The following TAFA1 variants were observed in gnomAD, a reference collection of about 807,000 sequenced individuals.
TAFA1 encodes the protein chemokine-like protein TAFA-1.
TAFA1 carries 4 observed loss-of-function variants against 18.5 expected under a neutral mutation model. The observed-to-expected ratio is 0.22, with a 90% CI of 0.11 to 0.49. The LOEUF (loss-of-function observed/expected upper bound fraction) is 0.49. TAFA1 is among the 20% of genes least tolerant of loss of function. The pLI, the probability that TAFA1 is intolerant of heterozygous loss-of-function variation, is 0.98. For missense variants in TAFA1, 147 were observed against 169.0 expected, an observed-to-expected ratio of 0.87 and a Z score of 0.72; for synonymous variants, 56 against 55.2, an observed-to-expected ratio of 1.01 and a Z score of -0.06.
At chr3:68,461,566 C>T (rs902725685) in intron 3 of TAFA1, among the ~76,000 whole-genome samples, 6 of 151,288 alleles carry the variant, frequency 4.0e-5, no homozygotes, top group Non-Finnish European at 8.8e-5. Flanking sequence ...ACCACCCTTG[C>T]CATATTTCTA....
At chr3:68,337,510 C>A (rs2068994138) in intron 2 of TAFA1, among the ~76,000 whole-genome samples, 1 of 152,106 alleles carries the variant, frequency 6.6e-6, no homozygotes, top group Admixed American at 6.6e-5. Context: ...AAAAAAGTTG[C>A]TTTGGTATAC....
chr3:68,300,684 C>T (rs2068288258), intron 2 of TAFA1, among the ~76,000 whole-genome samples: 1 of 152,040 alleles, frequency 6.6e-6, no homozygotes, highest in Non-Finnish European at 1.5e-5. Context: ...AATTGTAATC[C>T]CCATAATCAT....
At chr3:68,309,995 G>A (rs1395847981) in intron 2 of TAFA1, among the ~76,000 whole-genome samples, 9 of 152,228 alleles carry the variant, frequency 5.9e-5, no homozygotes, top group South Asian at 2.1e-4. Context: ...ACCCTTTCTC[G>A]AGGAAATTTC....
At chr3:68,031,964 C>G (rs886694319) in intron 2 of TAFA1, among the ~76,000 whole-genome samples, 48 of 152,030 alleles carry the variant, frequency 3.2e-4, no homozygotes, top group Admixed American at 1.2e-3. Flanking sequence ...ATAGTTTTTC[C>G]TTCTCTAAGC....
chr3:68,343,440 T>A (rs1286176572), intron 2 of TAFA1, among the ~76,000 whole-genome samples: 1 of 152,180 alleles, frequency 6.6e-6, no homozygotes, highest in East Asian at 1.9e-4. Flanking sequence ...ACTATTTAAT[T>A]TTATTCTTAC....
At chr3:68,430,758 A>G (rs548359887) in intron 3 of TAFA1, among the ~76,000 whole-genome samples, 1 of 152,064 alleles carries the variant, frequency 6.6e-6, no homozygotes, top group South Asian at 2.1e-4. Flanking sequence ...TGAATGTCTC[A>G]TTCACTCTCT....
intron 2 of TAFA1, among the ~76,000 whole-genome samples, chr3:68,166,001 A>G (rs1325603985): frequency 6.6e-6 from 1 of 152,248 alleles, no homozygotes; most frequent in Non-Finnish European, 1.5e-5. Flanking sequence ...ACTCCAGCCC[A>G]ACCTTGAACG....
intron 2 of TAFA1, among the ~76,000 whole-genome samples, chr3:68,414,321 A>C (rs1559659300): frequency 1.3e-5 from 2 of 152,128 alleles, no homozygotes; most frequent in Non-Finnish European, 2.9e-5. Context: ...ACAAACAAAC[A>C]AACAAAACAA....
At chr3:68,211,227 C>T (rs2066592832) in intron 2 of TAFA1, among the ~76,000 whole-genome samples, 2 of 151,986 alleles carry the variant, frequency 1.3e-5, no homozygotes, top group South Asian at 2.1e-4. Context: ...TGCACAAGGG[C>T]ATGAATACCA....
At chr3:68,434,088 A>G (rs2071228912) in intron 3 of TAFA1, among the ~76,000 whole-genome samples, 2 of 152,176 alleles carry the variant, frequency 1.3e-5, no homozygotes, top group South Asian at 4.1e-4. Flanking sequence ...CAAAAACCTG[A>G]TGTTTTTAAT....
At chr3:68,271,354 C>G (rs1167939473) in intron 2 of TAFA1, among the ~76,000 whole-genome samples, 1 of 152,074 alleles carries the variant, frequency 6.6e-6, no homozygotes, top group East Asian at 1.9e-4. Flanking sequence ...TACTCACACT[C>G]CATAACCAAT....
chr3:68,020,347 C>G (rs1006134208), intron 2 of TAFA1, among the ~76,000 whole-genome samples: 1 of 151,786 alleles, frequency 6.6e-6, no homozygotes, highest in African/African-American at 2.4e-5. Context: ...CCATCTCTAT[C>G]ATTATTACAC....
At chr3:68,007,345 C>T (rs2106769268) in intron 2 of TAFA1, among the ~76,000 whole-genome samples, 1 of 152,092 alleles carries the variant, frequency 6.6e-6, no homozygotes, top group Admixed American at 6.5e-5. Flanking sequence ...TTTTGTTTTT[C>T]CTATATTGAA....
intron 2 of TAFA1, among the ~76,000 whole-genome samples, chr3:68,160,713 G>A (rs146042388): frequency 3.9e-4 from 59 of 152,208 alleles, no homozygotes; most frequent in African/African-American, 7.2e-4. Context: ...TTTCCCTACC[G>A]TCACATAGTT....
chr3:68,205,698 T>A (rs1282424201), intron 2 of TAFA1, among the ~76,000 whole-genome samples: 1 of 151,760 alleles, frequency 6.6e-6, no homozygotes, highest in Non-Finnish European at 1.5e-5. Flanking sequence ...ATTAATAAAG[T>A]ACAAATAAGT....
At chr3:68,123,830 A>ATATCTACC (rs1233073487) in intron 2 of TAFA1, among the ~76,000 whole-genome samples, 1 of 136,290 alleles carries the variant, frequency 7.3e-6, no homozygotes, top group Non-Finnish European at 1.5e-5. Context: ...CTCTAGGAGG[A>ATATCTACC]TATCTACCCT....
intron 2 of TAFA1, among the ~76,000 whole-genome samples, chr3:68,014,771 G>A (rs997555120): frequency 2.6e-5 from 4 of 152,122 alleles, no homozygotes; most frequent in African/African-American, 9.7e-5. Flanking sequence ...GGTAGGCAAA[G>A]CAAACACCAT....
At chr3:68,053,897 G>A (rs1182939772) in intron 2 of TAFA1, among the ~76,000 whole-genome samples, 2 of 151,938 alleles carry the variant, frequency 1.3e-5, no homozygotes, top group African/African-American at 4.8e-5. Flanking sequence ...TAGAGATGAG[G>A]TCTTACTATA....
intron 3 of TAFA1, among the ~76,000 whole-genome samples, chr3:68,450,872 A>C (rs2071557555): frequency 6.6e-6 from 1 of 152,198 alleles, no homozygotes; most frequent in Non-Finnish European, 1.5e-5. Flanking sequence ...TCTCTACTGC[A>C]ACTAAACTCC....
Sources: gnomAD v4.1 joint callset for allele counts (sites outside exome capture counted in the v4.1 genomes callset) on GRCh38, gnomAD v4.1.1 for gene constraint, MANE v1.5 for transcripts, NCBI Gene and HGNC (gene_info 2026-07-23, HGNC 2026-07-21) for gene names.